TUT4: variants seen among roughly 807,000 people sequenced by gnomAD.
The protein encoded by TUT4 is terminal uridylyltransferase 4.
A neutral mutation model predicts 192.2 loss-of-function variants in TUT4; 36 were observed. The observed-to-expected ratio is 0.19, with a 90% CI of 0.14 to 0.25. TUT4 has a LOEUF of 0.25. Ranked by LOEUF, TUT4 falls within the 10% of genes least tolerant of loss-of-function variation. The pLI is 1.00. For synonymous variants in TUT4, 618 were observed against 666.0 expected, an observed-to-expected ratio of 0.93 and a Z score of 1.11; for missense variants, 1,493 against 1,957.2, an observed-to-expected ratio of 0.76 and a Z score of 4.47.
intron 1 of TUT4, among the ~76,000 whole-genome samples, chr1:52,539,708 G>T (rs553209742): frequency 6.6e-6 from 1 of 151,938 alleles, no homozygotes; most frequent in East Asian, 1.9e-4. Context: ...CAGAGTTTGA[G>T]ACTAGCCTGA....
intron 12 of TUT4, among the ~76,000 whole-genome samples, chr1:52,477,084 T>C (rs1483607635): frequency 2.0e-5 from 3 of 152,228 alleles, no homozygotes; most frequent in Admixed American, 1.3e-4. Context: ...CATAATCTTA[T>C]GACACAAATT....
chr1:52,467,050 CAGG>C (rs1266769876), intron 15 of TUT4, among the ~76,000 whole-genome samples: 2 of 152,014 alleles, frequency 1.3e-5, no homozygotes, highest in Non-Finnish European at 2.9e-5. Flanking sequence ...GAGGCTAAGG[CAGG>C]AGGATTGCTT....
chr1:52,552,442 C>T (rs943835100), intron 1 of TUT4, among the ~76,000 whole-genome samples: 10 of 152,174 alleles, frequency 6.6e-5, no homozygotes, highest in African/African-American at 1.2e-4. Flanking sequence ...CAAGGACGAG[C>T]CCGGGGAAAC....
intron 1 of TUT4, among the ~76,000 whole-genome samples, chr1:52,534,525 T>C (rs186235001): frequency 7.9e-5 from 12 of 152,216 alleles, no homozygotes; most frequent in Non-Finnish European, 1.8e-4. Flanking sequence ...AATATCTTTA[T>C]TGTATCTTCA....
intron 1 of TUT4, among the ~76,000 whole-genome samples, chr1:52,530,258 CAAAAAAA>C (rs11365992): frequency 5.4e-5 from 5 of 93,324 alleles, no homozygotes; most frequent in African/African-American, 1.7e-4. Flanking sequence ...GACTCCATCT[CAAAAAAA>C]AAAAAAAAAA....
chr1:52,496,272 T>C (rs1672419881), intron 5 of TUT4, among the ~76,000 whole-genome samples: 1 of 152,136 alleles, frequency 6.6e-6, no homozygotes, highest in South Asian at 2.1e-4. Context: ...TAAAAATTCA[T>C]TCCTTTTCTT....
intron 26 of TUT4, 95 bp downstream of exon 26, chr1:52,436,660 G>T: frequency 1.3e-6 from 2 of 1,549,976 alleles, no homozygotes; most frequent in South Asian, 1.2e-5. Flanking sequence ...CATACAATTA[G>T]GTTTGCAACA....
chr1:52,447,994 GATTT>G (rs1658086843), intron 20 of TUT4, among the ~76,000 whole-genome samples: 1 of 152,176 alleles, frequency 6.6e-6, no homozygotes, highest in Non-Finnish European at 1.5e-5. Context: ...ATGTGACAGT[GATTT>G]ATAAAATTAA....
Position 52,491,035 on chromosome 1 carries a change from C to A in TUT4, c.1319-234G>T, listed in dbSNP as rs144674957. The stretch of plus-strand genomic sequence containing the variant: ...AAATACTGTCCAAAAATTATAATCA[C>A]CTTAAGAAAGGTCTTAACATCCCTA... On this transcript the variant is annotated intron_variant, in intron 7 of 29. Coordinates refer to ENST00000257177, the MANE Select transcript of TUT4 (RefSeq NM_001009881.3). 1.2e-3 allele frequency among the ~76,000 whole-genome samples: 184 copies of A among 152,226 alleles called. 1 individual carries two copies. Among genetic ancestry groups the A allele is most frequent in the African/African-American group, 4.4e-3 (183 of 41,536 alleles).
At chr1:52,438,746 T>C (rs1654570488) in intron 24 of TUT4, among the ~76,000 whole-genome samples, 1 of 152,202 alleles carries the variant, frequency 6.6e-6, no homozygotes, top group Non-Finnish European at 1.5e-5. Flanking sequence ...TATATCGGGC[T>C]ACTTCTGGAA....
intron 9 of TUT4, among the ~76,000 whole-genome samples, chr1:52,487,567 T>G (rs1557819535): frequency 6.6e-6 from 1 of 152,108 alleles, no homozygotes; most frequent in African/African-American, 2.4e-5. Context: ...GTAGTCACCC[T>G]CCCTCAACCT....
intron 1 of TUT4, among the ~76,000 whole-genome samples, chr1:52,533,074 A>G (rs975653755): frequency 1.3e-5 from 2 of 152,172 alleles, no homozygotes; most frequent in Admixed American, 6.5e-5. Context: ...GGGTTCCAAT[A>G]TTCTGCATTT....
chr1:52,526,488 TAA>T (rs11309315), intron 1 of TUT4, 115 bp from the exon 2 acceptor site: 3,344 of 227,742 alleles, frequency 0.015, 2 homozygotes, highest in African/African-American at 0.023. Flanking sequence ...AAGAAATTGT[TAA>T]AAAAAAAAAA....
rs774544778 is a variant in TUT4 at position 52,474,899 on chromosome 1, T to C, written c.2660A>G (p.Asp887Gly). ...TTCCTGGGTGGGGAGGTTATCATCA[T>C]CATTAAGGTCAGAAGCATCTTCTGT... Reference protein sequence around the residue: ...KATEDASDLNDDDNLPTQELY... With the variant: ...KATEDASDLNGDDNLPTQELY... The change falls in exon 13 of 30, where the codon GAT (aspartate) becomes GGT (glycine). Residue 887 changes from aspartate (D) to glycine (G), a missense_variant. Coordinates refer to ENST00000257177, the MANE Select transcript of TUT4 (RefSeq NM_001009881.3). 1.9e-6 allele frequency: 3 copies of C among 1,613,998 alleles called. No homozygotes were observed. Among genetic ancestry groups the C allele is most frequent in the East Asian group, 4.5e-5 (2 of 44,870 alleles).
intron 20 of TUT4, among the ~76,000 whole-genome samples, chr1:52,448,923 T>G (rs1301363722): frequency 2.0e-5 from 3 of 152,244 alleles, no homozygotes; most frequent in Non-Finnish European, 4.4e-5. Context: ...CTACGTTGGC[T>G]GATAACACAG....
At chr1:52,528,720 T>C (rs937524805) in intron 1 of TUT4, among the ~76,000 whole-genome samples, 4 of 152,252 alleles carry the variant, frequency 2.6e-5, no homozygotes, top group Admixed American at 6.5e-5. Flanking sequence ...ATCTCTATCA[T>C]ATAACTTTAC....
chr1:52,550,171 C>T (rs764571128), intron 1 of TUT4, among the ~76,000 whole-genome samples: 16 of 152,050 alleles, frequency 1.1e-4, no homozygotes, highest in Non-Finnish European at 1.8e-4. Flanking sequence ...ACATTTCCCC[C>T]AAATTATGTA....
chr1:52,546,607 G>A (rs983184433), intron 1 of TUT4, among the ~76,000 whole-genome samples: 1 of 152,198 alleles, frequency 6.6e-6, no homozygotes, highest in African/African-American at 2.4e-5. Flanking sequence ...GGGATGGATG[G>A]TGATGATGGC....
intron 2 of TUT4, among the ~76,000 whole-genome samples, chr1:52,516,958 C>G (rs908479234): frequency 6.6e-6 from 1 of 152,160 alleles, no homozygotes; most frequent in East Asian, 1.9e-4. Flanking sequence ...AGCTAACTTA[C>G]CTGTAACTCC....
Sources: allele counts gnomAD v4.1 joint callset (sites outside exome capture counted in the v4.1 genomes callset), GRCh38; gene constraint gnomAD v4.1.1; transcripts MANE v1.5; gene names NCBI Gene and HGNC (gene_info 2026-07-23, HGNC 2026-07-21).